Variants in CDH4 observed in about 807,000 individuals in gnomAD.
The protein encoded by CDH4 is cadherin-4.
In CDH4, 33 loss-of-function variants were observed where a neutral mutation model predicts 86.0. The observed-to-expected ratio is 0.38, with a 90% CI of 0.29 to 0.51. The LOEUF is 0.51. Among genes scored for constraint, CDH4 ranks in the 20% least tolerant of loss-of-function variants. The probability of loss-of-function intolerance (pLI) is 0.86; values close to 1 mark genes in which losing one functional copy is unlikely to be tolerated. For missense variants in CDH4, 1,114 were observed against 1,307.4 expected, an observed-to-expected ratio of 0.85 and a Z score of 2.28; for synonymous variants, 555 against 549.4, an observed-to-expected ratio of 1.01 and a Z score of -0.14.
chr20:61,733,374 C>T (rs1241788070), intron 2 of CDH4, among the ~76,000 whole-genome samples: 1 of 152,152 alleles, frequency 6.6e-6, no homozygotes, highest in African/African-American at 2.4e-5. Context: ...TGGTTCTGTA[C>T]CTCCAGGCCT....
chr20:61,312,167 G>A (rs575730341), intron 2 of CDH4, among the ~76,000 whole-genome samples: 28 of 147,400 alleles, frequency 1.9e-4, no homozygotes, highest in Non-Finnish European at 3.6e-4. Context: ...TTGTGTATGC[G>A]TGTGGGATGT....
intron 2 of CDH4, among the ~76,000 whole-genome samples, chr20:61,609,155 A>T (rs187635860): frequency 3.9e-5 from 6 of 152,372 alleles, no homozygotes; most frequent in Admixed American, 3.3e-4. Context: ...TCAAGCCATT[A>T]TAGGAAGGAC....
chr20:61,879,865 A>G lies in CDH4; in HGVS notation c.1050+5965A>G, dbSNP rs182814409. Among the ~76,000 whole-genome samples, 458 of 152,184 alleles carry G rather than the reference A, an allele frequency of 3.0e-3. 3 individuals carry two copies. The highest frequency in any genetic ancestry group is 0.01 in the Middle Eastern group (3 of 294). ...ATGTTGATTTTGTTATTAGAAACTG[A>G]ATCCGGCCTTCCGGTCCTATCACAA... is the stretch of plus-strand genomic sequence containing the variant. On this transcript the variant is annotated intron_variant, in intron 7 of 15. Transcript: ENST00000614565. The surrounding 1 kb of genome is among the most constrained non-coding windows in gnomAD (Gnocchi z 4.1).
At chr20:61,688,101 A>G (rs2087608686) in intron 2 of CDH4, among the ~76,000 whole-genome samples, 1 of 152,106 alleles carries the variant, frequency 6.6e-6, no homozygotes, top group African/African-American at 2.4e-5. Flanking sequence ...CCGACAGCCC[A>G]GGTCTCCCCT....
intron 5 of CDH4, among the ~76,000 whole-genome samples, chr20:61,849,898 A>C (rs1036874935): frequency 6.6e-6 from 1 of 152,164 alleles, no homozygotes; most frequent in African/African-American, 2.4e-5. Context: ...CACATCTGGG[A>C]CCAGCACCTG....
rs1240262151 is a variant in CDH4 at position 61,663,003 on chromosome 20, C to T, written c.170-80560C>T. On this transcript the variant is annotated intron_variant, in intron 2 of 15. Transcript: ENST00000614565. This position sits in a 1 kb window ranked among gnomAD's most constrained non-coding sequence, Gnocchi z 5.0. ...CCTCTCCTCCTCCCCTCCCCACAGG[C>T]ACTGGCACAGCGGCCCGGGGTAGAA... Among the ~76,000 whole-genome samples the T allele has an allele frequency of 6.6e-6, 1 of 152,186 alleles. No individual in the cohort carries two copies. Among genetic ancestry groups the T allele is most frequent in the Non-Finnish European group, 1.5e-5 (1 of 68,034 alleles).
At chr20:61,332,111 G>A (rs1052929754) in intron 2 of CDH4, among the ~76,000 whole-genome samples, 4 of 152,176 alleles carry the variant, frequency 2.6e-5, no homozygotes, top group East Asian at 1.9e-4. Flanking sequence ...AGCGATGCCC[G>A]GCTTCCCAGA....
In CDH4 at chr20:61,730,542, A is replaced by G. The variant is rs2145924751; in HGVS notation, c.170-13021A>G. ...TGGAACTTGTGCATTTACCCCATTA[A>G]GTTTTCTCAAGCACTTCCTGGGTGC... is the stretch of plus-strand genomic sequence containing the variant. On this transcript the variant is annotated intron_variant, in intron 2 of 15. Coordinates refer to ENST00000614565, the MANE Select transcript of CDH4 (RefSeq NM_001794.5). 2.0e-5 allele frequency among the ~76,000 whole-genome samples: 3 copies of G among 152,296 alleles called. No homozygotes were observed. In the South Asian group the frequency reaches 6.2e-4, roughly 32 times the overall value.
chr20:61,735,799 C>G (rs942532098), intron 2 of CDH4, among the ~76,000 whole-genome samples: 1 of 152,200 alleles, frequency 6.6e-6, no homozygotes, highest in Non-Finnish European at 1.5e-5. Context: ...TTGAATTTCT[C>G]TGTCCCCAGC....
At chr20:61,549,041 G>T (rs1048019702) in intron 2 of CDH4, among the ~76,000 whole-genome samples, 1 of 152,108 alleles carries the variant, frequency 6.6e-6, no homozygotes, top group African/African-American at 2.4e-5. Context: ...CTCCACGGGG[G>T]CAGGCAGATG....
intron 2 of CDH4, among the ~76,000 whole-genome samples, chr20:61,574,511 C>T (rs1452684133): frequency 1.3e-5 from 2 of 152,188 alleles, no homozygotes; most frequent in African/African-American, 4.8e-5. Flanking sequence ...CTCCTTCCTG[C>T]CTTCTCCCCA....
At chr20:61,481,399 T>G (rs541480979) in intron 2 of CDH4, among the ~76,000 whole-genome samples, 8 of 152,220 alleles carry the variant, frequency 5.3e-5, no homozygotes, top group Admixed American at 2.0e-4. Flanking sequence ...TGGAAGGCCA[T>G]GAAGGGCCAT....
At chr20:61,253,073 G>T (rs2084073259) in intron 1 of CDH4, among the ~76,000 whole-genome samples, 1 of 151,592 alleles carries the variant, frequency 6.6e-6, no homozygotes, top group African/African-American at 2.4e-5. Flanking sequence ...CCAAGGCCTG[G>T]GGGTCCGTCT....
intron 5 of CDH4, among the ~76,000 whole-genome samples, chr20:61,845,170 G>A (rs1302377076): frequency 3.3e-5 from 5 of 152,244 alleles, no homozygotes; most frequent in Non-Finnish European, 7.3e-5. Flanking sequence ...CTGGGAGTCA[G>A]GGTCACCAGC....
chr20:61,335,955 G>T (rs991431842), intron 2 of CDH4, among the ~76,000 whole-genome samples: 3 of 152,150 alleles, frequency 2.0e-5, no homozygotes, highest in African/African-American at 7.2e-5. Context: ...GTTTTTTAAT[G>T]ATGAAAGTAG....
At chr20:61,530,036 G>GTT in intron 2 of CDH4, among the ~76,000 whole-genome samples, 1 of 151,688 alleles carries the variant, frequency 6.6e-6, no homozygotes, top group South Asian at 2.1e-4. Context: ...GTTTGTTTGT[G>GTT]TGTTTGTTTG....
intron 3 of CDH4, among the ~76,000 whole-genome samples, chr20:61,756,364 G>A (rs936033644): frequency 2.0e-5 from 3 of 152,176 alleles, no homozygotes; most frequent in Non-Finnish European, 2.9e-5. Context: ...ACAGGCAGCT[G>A]TTAGCAAACG....
At chr20:61,547,843 G>A (rs2086100350) in intron 2 of CDH4, among the ~76,000 whole-genome samples, 1 of 152,246 alleles carries the variant, frequency 6.6e-6, no homozygotes, top group South Asian at 2.1e-4. Flanking sequence ...ACGCACATAT[G>A]TGTAAAGCGG....
chr20:61,655,303 T>C (rs1158450264), intron 2 of CDH4, among the ~76,000 whole-genome samples: 1 of 152,206 alleles, frequency 6.6e-6, no homozygotes, highest in East Asian at 1.9e-4. Flanking sequence ...CCCTGTAGTT[T>C]CCAGTGGATG....
Sources: allele counts gnomAD v4.1 joint callset (sites outside exome capture counted in the v4.1 genomes callset), GRCh38; gene constraint gnomAD v4.1.1; non-coding constraint Gnocchi (gnomAD v3.1); transcripts MANE v1.5; gene names NCBI Gene and HGNC (gene_info 2026-07-23, HGNC 2026-07-21).